The following PVT1 variants were observed in gnomAD, a reference collection of about 807,000 sequenced individuals.
PVT1 encodes Pvt1 oncogene.
intron 4 of PVT1, among the ~76,000 whole-genome samples, chr8:128,024,240 T>C (rs1276024146): frequency 6.6e-6 from 1 of 152,224 alleles, no homozygotes; most frequent in East Asian, 1.9e-4. Context: ...GATTACCTGA[T>C]ACCCCTTCCA....
intron 6 of PVT1, among the ~76,000 whole-genome samples, chr8:128,098,391 T>C (rs1814455534): frequency 6.6e-6 from 1 of 152,006 alleles, no homozygotes; most frequent in Non-Finnish European, 1.5e-5. Context: ...GGGGTGCGAA[T>C]GGAAAGACAG....
intron 2 of PVT1, among the ~76,000 whole-genome samples, chr8:127,876,914 C>T (rs1815411700): frequency 6.6e-6 from 1 of 152,194 alleles, no homozygotes; most frequent in Non-Finnish European, 1.5e-5. Context: ...GCGAGATGTG[C>T]CTGCGTGACT....
chr8:127,903,296 TTTTGA>T (rs1363991984), intron 3 of PVT1, among the ~76,000 whole-genome samples: 3 of 152,182 alleles, frequency 2.0e-5, no homozygotes, highest in Admixed American at 6.5e-5. Context: ...CTTCTTTGCT[TTTTGA>T]TTTAAGTTCC....
chr8:127,941,784 T>C (rs1037017293), intron 3 of PVT1, among the ~76,000 whole-genome samples: 1 of 152,250 alleles, frequency 6.6e-6, no homozygotes, highest in African/African-American at 2.4e-5. Flanking sequence ...AGTCTCCTGC[T>C]CTGGTGCCAG....
At chr8:128,068,170 A>G (rs1199924963) in intron 4 of PVT1, among the ~76,000 whole-genome samples, 1 of 151,268 alleles carries the variant, frequency 6.6e-6, no homozygotes, top group Admixed American at 6.6e-5. Context: ...TCTGTTTTGC[A>G]GTTTTTTACA....
chr8:127,948,392 T>G (rs1438803205), intron 3 of PVT1: 1 of 164,004 alleles, frequency 6.1e-6, no homozygotes, highest in East Asian at 1.7e-4. Flanking sequence ...TCCAATTCTG[T>G]GTAGAAGGGG....
intron 2 of PVT1, among the ~76,000 whole-genome samples, chr8:127,819,895 C>A (rs1814710676): frequency 6.6e-6 from 1 of 152,234 alleles, no homozygotes; most frequent in Non-Finnish European, 1.5e-5. Context: ...GTGTCTCTTT[C>A]TTTTGCACCA....
chr8:127,821,620 C>T (rs1814729648), intron 2 of PVT1, among the ~76,000 whole-genome samples: 1 of 151,928 alleles, frequency 6.6e-6, no homozygotes, highest in Non-Finnish European at 1.5e-5. Flanking sequence ...ACCATCCTGG[C>T]TAACACGGTG....
chr8:127,897,879 GAAA>G (rs796804210), intron 3 of PVT1, among the ~76,000 whole-genome samples: 1 of 83,442 alleles, frequency 1.2e-5, no homozygotes, highest in Admixed American at 1.2e-4. Flanking sequence ...AGGAAAGAAA[GAAA>G]GAAAGAAAGA....
chr8:128,044,020 T>TA (rs1255846860), intron 4 of PVT1, among the ~76,000 whole-genome samples: 4 of 146,728 alleles, frequency 2.7e-5, no homozygotes, highest in East Asian at 2.0e-4. Context: ...TATTTATTTT[T>TA]TTTTTTTTTT....
chr8:127,838,930 T>C (rs865789890), intron 2 of PVT1, among the ~76,000 whole-genome samples: 1 of 152,154 alleles, frequency 6.6e-6, no homozygotes, highest in African/African-American at 2.4e-5. Flanking sequence ...ACTTCTTCTA[T>C]GTTTAGATAT....
chr8:127,958,093 G>C (rs1033828320), intron 3 of PVT1, among the ~76,000 whole-genome samples: 14 of 152,318 alleles, frequency 9.2e-5, no homozygotes, highest in Non-Finnish European at 2.1e-4. Flanking sequence ...AAACAGGATG[G>C]ACAGAGTGGT....
chr8:127,926,560 G>A (rs188263075), intron 3 of PVT1, among the ~76,000 whole-genome samples: 181 of 152,282 alleles, frequency 1.2e-3, no homozygotes, highest in Non-Finnish European at 1.6e-3. Flanking sequence ...TCCATGGTGC[G>A]GTTCATGTTC....
intron 3 of PVT1, chr8:127,960,556 T>C: frequency 2.6e-6 from 1 of 384,596 alleles, no homozygotes; most frequent in Non-Finnish European, 5.4e-6. Context: ...AGATAGGATC[T>C]TTGTGGCCTT....
chr8:127,799,100 T>C (rs1041529832), intron 2 of PVT1, among the ~76,000 whole-genome samples: 1 of 150,596 alleles, frequency 6.6e-6, no homozygotes, highest in African/African-American at 2.5e-5. Flanking sequence ...TTTTCCTTTA[T>C]CTTTTCCTTT....
intron 2 of PVT1, among the ~76,000 whole-genome samples, chr8:127,863,313 T>C (rs976229351): frequency 2.6e-5 from 4 of 151,940 alleles, no homozygotes; most frequent in African/African-American, 9.7e-5. Context: ...GGTTTCACTA[T>C]GTTGGCCAGG....
At chr8:128,092,718 G>C (rs1814374784) in intron 5 of PVT1, among the ~76,000 whole-genome samples, 2 of 152,192 alleles carry the variant, frequency 1.3e-5, no homozygotes, top group Admixed American at 1.3e-4. Flanking sequence ...AAAGCCTTGA[G>C]AGAGGCAGAG....
chr8:127,940,979 A>G (rs79229689), intron 3 of PVT1, among the ~76,000 whole-genome samples: 9,849 of 152,214 alleles, frequency 0.065, 748 homozygotes, highest in African/African-American at 0.18. Flanking sequence ...GCTGCCTTCC[A>G]TTCTGGAGAC....
chr8:127,872,877 T>C (rs151285359), intron 2 of PVT1, among the ~76,000 whole-genome samples: 1 of 152,332 alleles, frequency 6.6e-6, no homozygotes, highest in African/African-American at 2.4e-5. Flanking sequence ...GATATATTCT[T>C]TGTCCCCACG....
Sources: gnomAD v4.1 joint callset for allele counts (sites outside exome capture counted in the v4.1 genomes callset) on GRCh38, gnomAD v4.1.1 for gene constraint, MANE v1.5 for transcripts, NCBI Gene and HGNC (gene_info 2026-07-23, HGNC 2026-07-21) for gene names.